The following FAM184B variants were observed in gnomAD, a reference collection of about 807,000 sequenced individuals.
The protein encoded by FAM184B is family with sequence similarity 184 member B.
FAM184B carries 111 observed loss-of-function variants against 135.9 expected under a neutral mutation model. The observed-to-expected ratio is 0.82, with a 90% confidence interval of 0.70 to 0.96. The LOEUF (loss-of-function observed/expected upper bound fraction) is 0.96. FAM184B is among the 40% of genes least tolerant of loss of function. The pLI, the probability that FAM184B is intolerant of heterozygous loss-of-function variation, is 0.00. For missense variants in FAM184B, 1,375 were observed against 1,323.9 expected (o/e 1.04, Z -0.60); for synonymous variants, 552 against 524.8 (o/e 1.05, Z -0.71).
intron 11 of FAM184B, among the ~76,000 whole-genome samples, chr4:17,649,260 T>C (rs1715543035): frequency 6.6e-6 from 1 of 152,132 alleles, no homozygotes; most frequent in African/African-American, 2.4e-5. Flanking sequence ...ATTAAGCACA[T>C]GTAAAAGCAT....
chr4:17,636,699 G>C (rs1054691780), intron 14 of FAM184B, 54 bp from the exon 15 acceptor site: 5 of 1,385,946 alleles, frequency 3.6e-6, no homozygotes, highest in Admixed American at 4.5e-5. Flanking sequence ...ACTCAACAAA[G>C]AGGGAGAACA....
At chr4:17,740,942 T>C (rs1448387308) in intron 1 of FAM184B, among the ~76,000 whole-genome samples, 5 of 152,176 alleles carry the variant, frequency 3.3e-5, no homozygotes, top group Non-Finnish European at 7.3e-5. Flanking sequence ...GCCAACTCAT[T>C]ACTTTTCTTA....
intron 13 of FAM184B, 134 bp from the exon 14 acceptor site, chr4:17,639,530 T>A: frequency 9.2e-7 from 1 of 1,087,438 alleles, no homozygotes; most frequent in South Asian, 1.6e-5. Context: ...TAAGGACACC[T>A]GTGGGAAGAA....
At chr4:17,723,395 C>G (rs1329560829) in intron 1 of FAM184B, among the ~76,000 whole-genome samples, 1 of 152,216 alleles carries the variant, frequency 6.6e-6, no homozygotes, top group Admixed American at 6.5e-5. Context: ...ACTTAGGTCA[C>G]CTTTGCCAGT....
intron 1 of FAM184B, among the ~76,000 whole-genome samples, chr4:17,754,784 A>G (rs1289883674): frequency 6.6e-6 from 1 of 152,206 alleles, no homozygotes; most frequent in Non-Finnish European, 1.5e-5. Flanking sequence ...TATATTATGA[A>G]ATAAACAAGT....
intron 1 of FAM184B, among the ~76,000 whole-genome samples, chr4:17,721,397 A>AAAAAAAAAAAAAAAAAAAAAAAAC (rs1717524829): frequency 6.7e-6 from 1 of 149,720 alleles, no homozygotes; most frequent in African/African-American, 2.4e-5. Flanking sequence ...AAAAAAAAAA[A>AAAAAAAAAAAAAAAAAAAAAAAAC]AAAAAAAAAT....
At position 17,654,193 on chromosome 4, in the gene FAM184B, CT is replaced by C. The variant is rs199536597; in HGVS notation, c.2038-1211del. ...CAATAGGAAACTAATATAGTTTCTG[CT>C]TTTTTTTTTTTTTCCAGTTAGCAGA... On this transcript the variant is annotated intron_variant, in intron 10 of 17. Transcript: ENST00000265018. 8.3e-3 allele frequency among the ~76,000 whole-genome samples: 1,143 copies of C among 138,056 alleles called. 5 individuals carry two copies. The highest frequency in any genetic ancestry group is 0.028 in the South Asian group (120 of 4,302). 90.6% of individuals were successfully genotyped at this position (138,056 alleles called of 152,430 possible). A position where few individuals can be genotyped will look rare whatever the true frequency, so the allele number is the denominator to read the frequency against.
chr4:17,687,260 T>C (rs1716610337), intron 7 of FAM184B, among the ~76,000 whole-genome samples: 1 of 152,144 alleles, frequency 6.6e-6, no homozygotes. Flanking sequence ...ACCCATGTAG[T>C]GTTTTCCCTC....
intron 1 of FAM184B, among the ~76,000 whole-genome samples, chr4:17,763,999 C>T (rs11730953): frequency 0.36 from 55,441 of 151,980 alleles, 11,763 homozygotes; most frequent in Non-Finnish European, 0.48. Flanking sequence ...GCTCTCCACC[C>T]GCCCCCAACA....
At chr4:17,644,838 T>C (rs1451877492) in intron 12 of FAM184B, among the ~76,000 whole-genome samples, 6 of 152,164 alleles carry the variant, frequency 3.9e-5, no homozygotes, top group Admixed American at 3.3e-4. Context: ...GAAAACCCCA[T>C]TGTCTCAGCC....
chr4:17,770,896 T>C (rs547743857), intron 1 of FAM184B, among the ~76,000 whole-genome samples: 1 of 152,362 alleles, frequency 6.6e-6, no homozygotes, highest in African/African-American at 2.4e-5. Flanking sequence ...GCTTTCAGTA[T>C]CTTCAGAGTT....
At chr4:17,668,400 A>T (rs1379802683) in intron 7 of FAM184B, among the ~76,000 whole-genome samples, 1 of 152,178 alleles carries the variant, frequency 6.6e-6, no homozygotes, top group Non-Finnish European at 1.5e-5. Context: ...GATCCTACTT[A>T]TTCTTCAAGG....
intron 12 of FAM184B, among the ~76,000 whole-genome samples, chr4:17,646,248 T>A (rs1423221836): frequency 1.3e-5 from 2 of 151,910 alleles, no homozygotes; most frequent in Non-Finnish European, 2.9e-5. Flanking sequence ...CAAAGGATTA[T>A]AAATCATGCT....
At chr4:17,699,546 A>G (rs1425577046) in intron 5 of FAM184B, among the ~76,000 whole-genome samples, 1 of 152,170 alleles carries the variant, frequency 6.6e-6, no homozygotes, top group African/African-American at 2.4e-5. Flanking sequence ...AAGATACTGA[A>G]TGACATCTTT....
At chr4:17,646,727 A>G (rs938218470) in intron 12 of FAM184B, among the ~76,000 whole-genome samples, 9 of 152,278 alleles carry the variant, frequency 5.9e-5, no homozygotes, top group African/African-American at 2.2e-4. Context: ...CTTAAAATAT[A>G]ATAATAATAA....
chr4:17,686,796 G>C (rs991553674), intron 7 of FAM184B, among the ~76,000 whole-genome samples: 26 of 152,170 alleles, frequency 1.7e-4, no homozygotes, highest in African/African-American at 6.3e-4. Flanking sequence ...AGAAAAATTA[G>C]CTGGGCCTGG....
At chr4:17,768,002 A>G (rs1020337715) in intron 1 of FAM184B, among the ~76,000 whole-genome samples, 1 of 152,174 alleles carries the variant, frequency 6.6e-6, no homozygotes, top group Non-Finnish European at 1.5e-5. Flanking sequence ...CACAAAGGCT[A>G]CTCTAGAAAA....
At chr4:17,681,452 T>C (rs1385589198) in intron 7 of FAM184B, among the ~76,000 whole-genome samples, 1 of 152,118 alleles carries the variant, frequency 6.6e-6, no homozygotes, top group African/African-American at 2.4e-5. Flanking sequence ...CTCCATGGAG[T>C]GAAGGGCAGC....
intron 1 of FAM184B, among the ~76,000 whole-genome samples, chr4:17,760,424 C>T (rs1326159229): frequency 2.0e-5 from 3 of 151,062 alleles, no homozygotes; most frequent in East Asian, 1.9e-4. Flanking sequence ...GAGCCAAGAT[C>T]GCACCACTGT....
Sources: allele counts gnomAD v4.1 joint callset (sites outside exome capture counted in the v4.1 genomes callset), GRCh38; gene constraint gnomAD v4.1.1; transcripts MANE v1.5; gene names NCBI Gene and HGNC (gene_info 2026-07-23, HGNC 2026-07-21).